The following GRM8 variants were observed in gnomAD, a reference collection of about 807,000 sequenced individuals.
GRM8 encodes metabotropic glutamate receptor 8.
Under a neutral mutation model 87.2 loss-of-function variants are expected in GRM8, and 47 were observed. That is an observed-to-expected ratio of 0.54 (90% CI 0.43 to 0.69). The LOEUF (loss-of-function observed/expected upper bound fraction) is 0.69, where lower values mean the gene tolerates loss of function less well. GRM8 is among the 30% of genes least tolerant of loss of function. The probability of loss-of-function intolerance (pLI) is 0.00; values close to 1 mark genes in which losing one functional copy is unlikely to be tolerated. For synonymous variants in GRM8, 396 were observed against 404.5 expected, an observed-to-expected ratio of 0.98 and a Z score of 0.25; for missense variants, 1,019 against 1,139.2, an observed-to-expected ratio of 0.89 and a Z score of 1.52.
At chr7:126,864,991 T>C (rs1311384503) in intron 6 of GRM8, among the ~76,000 whole-genome samples, 2 of 152,188 alleles carry the variant, frequency 1.3e-5, no homozygotes, top group East Asian at 3.9e-4. Flanking sequence ...TGCCAACCCA[T>C]AGCCCTGGAC....
chr7:126,881,825 T>C (rs1454759707), intron 6 of GRM8, among the ~76,000 whole-genome samples: 1 of 152,196 alleles, frequency 6.6e-6, no homozygotes, highest in African/African-American at 2.4e-5. Context: ...AAATATCTTG[T>C]CCCATAAGTG....
chr7:126,688,709 C>G (rs572947593), intron 7 of GRM8, among the ~76,000 whole-genome samples: 9 of 150,916 alleles, frequency 6.0e-5, no homozygotes, highest in African/African-American at 2.2e-4. Context: ...TTCTGCCCCT[C>G]CTTTCCCTAT....
intron 3 of GRM8, among the ~76,000 whole-genome samples, chr7:127,044,751 T>C (rs1009743641): frequency 1.3e-5 from 2 of 152,140 alleles, no homozygotes; most frequent in African/African-American, 2.4e-5. Flanking sequence ...ACAGCAATTA[T>C]AGCAGCAACG....
chr7:126,547,512 G>C (rs1164260005), intron 8 of GRM8, among the ~76,000 whole-genome samples: 8 of 151,426 alleles, frequency 5.3e-5, no homozygotes, highest in Non-Finnish European at 1.5e-5. Flanking sequence ...TATAATTCTG[G>C]ATAATAATTA....
At chr7:126,898,484 G>A (rs1257532709) in intron 6 of GRM8, among the ~76,000 whole-genome samples, 3 of 152,182 alleles carry the variant, frequency 2.0e-5, no homozygotes, top group African/African-American at 7.2e-5. Flanking sequence ...AATGGAATTT[G>A]CATGAAAATC....
At chr7:126,826,070 A>G (rs1586092140) in intron 6 of GRM8, among the ~76,000 whole-genome samples, 1 of 152,176 alleles carries the variant, frequency 6.6e-6, no homozygotes, top group African/African-American at 2.4e-5. Context: ...TTATGGCTGC[A>G]TAGTGTTCCA....
chr7:126,775,189 C>A, intron 6 of GRM8, among the ~76,000 whole-genome samples: 1 of 145,452 alleles, frequency 6.9e-6, no homozygotes, highest in Non-Finnish European at 1.5e-5. Flanking sequence ...AAGTCAGTTT[C>A]TTGGAGTTGC....
chr7:126,717,130 A>G (rs771650773), intron 7 of GRM8, among the ~76,000 whole-genome samples: 2 of 152,188 alleles, frequency 1.3e-5, no homozygotes, highest in African/African-American at 2.4e-5. Flanking sequence ...GAGGGTCATG[A>G]TTGTGGTGAG....
intron 3 of GRM8, among the ~76,000 whole-genome samples, chr7:127,099,970 C>A: frequency 6.6e-6 from 1 of 151,980 alleles, no homozygotes. Context: ...GAGATAAACA[C>A]AAGAAGATGG....
At chr7:126,824,992 G>A (rs899145060) in intron 6 of GRM8, among the ~76,000 whole-genome samples, 1 of 152,200 alleles carries the variant, frequency 6.6e-6, no homozygotes, top group East Asian at 1.9e-4. Context: ...CAGAAAATTT[G>A]GGAAGGCCAC....
At chr7:126,589,793 C>T (rs1016686937) in intron 8 of GRM8, among the ~76,000 whole-genome samples, 1 of 152,136 alleles carries the variant, frequency 6.6e-6, no homozygotes, top group Non-Finnish European at 1.5e-5. Flanking sequence ...AAAGATGGTT[C>T]ACATCACAGA....
At chr7:126,891,443 T>A (rs189971949) in intron 6 of GRM8, among the ~76,000 whole-genome samples, 5 of 151,536 alleles carry the variant, frequency 3.3e-5, no homozygotes, top group African/African-American at 1.2e-4. Context: ...CTGGTGCCCA[T>A]TCATTGACTT....
chr7:126,680,243 C>T (rs755729690), intron 7 of GRM8, among the ~76,000 whole-genome samples: 11 of 152,088 alleles, frequency 7.2e-5, no homozygotes, highest in Non-Finnish European at 5.9e-5. Context: ...ATCTCATTGA[C>T]AGAAGACTGT....
intron 6 of GRM8, among the ~76,000 whole-genome samples, chr7:126,879,293 A>T (rs1484421576): frequency 3.3e-5 from 5 of 152,058 alleles, no homozygotes; most frequent in African/African-American, 1.2e-4. Context: ...ATAGCCACAT[A>T]TTTCAATCTT....
At chr7:126,751,394 C>T (rs904807637) in intron 7 of GRM8, among the ~76,000 whole-genome samples, 1 of 151,938 alleles carries the variant, frequency 6.6e-6, no homozygotes, top group Admixed American at 6.6e-5. Context: ...TTTCTTATAC[C>T]TATTACTACC....
chr7:127,219,050 T>A (rs143875288), intron 2 of GRM8, among the ~76,000 whole-genome samples: 1 of 152,370 alleles, frequency 6.6e-6, no homozygotes, highest in East Asian at 1.9e-4. Context: ...TGCCAAGAAC[T>A]GCAATGTGTT....
At chr7:126,749,193 G>A (rs917029540) in intron 7 of GRM8, among the ~76,000 whole-genome samples, 3 of 151,964 alleles carry the variant, frequency 2.0e-5, no homozygotes, top group Non-Finnish European at 4.4e-5. Flanking sequence ...CAGGAGAATC[G>A]CTTGAACCGG....
intron 3 of GRM8, among the ~76,000 whole-genome samples, chr7:127,042,578 G>T (rs1818526403): frequency 6.6e-6 from 1 of 152,202 alleles, no homozygotes; most frequent in Non-Finnish European, 1.5e-5. Flanking sequence ...AGCTGAAACT[G>T]GATCCCTTCC....
At chr7:126,993,066 G>A (rs1178304909) in intron 3 of GRM8, among the ~76,000 whole-genome samples, 1 of 152,090 alleles carries the variant, frequency 6.6e-6, no homozygotes, top group Admixed American at 6.6e-5. Context: ...GATATACAGT[G>A]CTCATGGATC....
Sources: gnomAD v4.1 joint callset for allele counts (sites outside exome capture counted in the v4.1 genomes callset) on GRCh38, gnomAD v4.1.1 for gene constraint, MANE v1.5 for transcripts, NCBI Gene and HGNC (gene_info 2026-07-23, HGNC 2026-07-21) for gene names.